The following CHN2 variants were observed in gnomAD, a reference collection of about 807,000 sequenced individuals.
CHN2 encodes the protein chimerin 2, also known as beta-chimaerin.
In CHN2, 35 loss-of-function variants were observed where a neutral mutation model predicts 56.3. The observed-to-expected ratio is 0.62, with a 90% confidence interval of 0.47 to 0.82. The LOEUF (loss-of-function observed/expected upper bound fraction) is 0.82, where lower values mean the gene tolerates loss of function less well. Among genes scored for constraint, CHN2 ranks in the 40% least tolerant of loss-of-function variants. The probability of loss-of-function intolerance (pLI) is 0.00; values close to 1 mark genes in which losing one functional copy is unlikely to be tolerated. For missense variants in CHN2, 491 were observed against 580.5 expected (o/e 0.85, Z 1.58); for synonymous variants, 210 against 212.8 (o/e 0.99, Z 0.12).
At chr7:29,401,422 C>T (rs879443615) in intron 6 of CHN2, 3 of 152,474 alleles carry the variant, frequency 2.0e-5, no homozygotes, top group Non-Finnish European at 4.4e-5. Context: ...AAAAACAAAC[C>T]TCCATTAATG....
rs779311792 is a variant in CHN2, at chr7:29,400,616, T to C, written c.364T>C (p.Ser122Pro). 1 of 1,614,046 alleles carries C rather than the reference T, an allele frequency of 6.2e-7. No individual in the cohort carries two copies. The highest frequency in any genetic ancestry group is 2.2e-5 in the East Asian group (1 of 44,878). Residue 122 changes from serine (S) to proline (P), a missense_variant, in exon 6 of 13, where the codon TCG becomes CCG. Physicochemically the swap from Ser to Pro is moderately conservative, Grantham distance 74. Transcript: ENST00000222792. ...CTTTGTGGGTGAGAAGAGGTTTGAG[T>C]CGATTCATGATCTGGTGACAGATGG... ...KHFVGEKRFE[S>P]IHDLVTDGLI... is the part of the protein sequence containing the mutation.
chr7:29,421,440 C>A (rs1804336089), intron 6 of CHN2, among the ~76,000 whole-genome samples: 1 of 152,134 alleles, frequency 6.6e-6, no homozygotes, highest in South Asian at 2.1e-4. Flanking sequence ...GTTCTGTGCA[C>A]AGAGGAATGT....
intron 2 of CHN2, among the ~76,000 whole-genome samples, chr7:29,165,434 C>A (rs897799040): frequency 6.6e-6 from 1 of 152,060 alleles, no homozygotes; most frequent in African/African-American, 2.4e-5. Context: ...GTGTAGGTTT[C>A]TTAGATTTTT....
chr7:29,249,573 G>A (rs73309959), intron 1 of CHN2, among the ~76,000 whole-genome samples: 30 of 152,286 alleles, frequency 2.0e-4, no homozygotes, highest in African/African-American at 7.2e-4. Flanking sequence ...AACCAGGCAA[G>A]TTGACACCTA....
chr7:29,238,015 C>CTTTTTTTT lies in CHN2; in HGVS notation c.49+43039_49+43046dup, dbSNP rs11405147. On this transcript the variant is annotated intron_variant, in intron 1 of 12. Transcript: ENST00000222792. ...ACACTCATACTTTAATATGTATTCTCTTTTTTTTTTTTTTTTTTTTTAGAA... is the reference window on the plus strand; with the variant it reads ...ACACTCATACTTTAATATGTATTCTCTTTTTTTTTTTTTTTTTTTTTTTTTTTTTAGAA... 1.2e-3 allele frequency among the ~76,000 whole-genome samples: 122 copies of CTTTTTTTT among 105,950 alleles called. 3 individuals carry two copies. Among genetic ancestry groups the CTTTTTTTT allele is most frequent in the Non-Finnish European group, 1.7e-3 (93 of 55,706 alleles). 69.5% of individuals were successfully genotyped at this position (105,950 alleles called of 152,430 possible). A position where few individuals can be genotyped will look rare whatever the true frequency, so the allele number is the denominator to read the frequency against.
At chr7:29,197,693 T>G (rs148662913) in intron 1 of CHN2, among the ~76,000 whole-genome samples, 1 of 152,324 alleles carries the variant, frequency 6.6e-6, no homozygotes, top group African/African-American at 2.4e-5. Flanking sequence ...GTTTTCCAGG[T>G]TTCAGGCATA....
chr7:29,303,872 C>T (rs1793921250), intron 1 of CHN2, among the ~76,000 whole-genome samples: 3 of 152,132 alleles, frequency 2.0e-5, no homozygotes, highest in Admixed American at 1.3e-4. Context: ...CCAGCCTGGC[C>T]AACGTGGTGA....
At chr7:29,341,129 G>C (rs1797025113) in intron 1 of CHN2, among the ~76,000 whole-genome samples, 1 of 152,182 alleles carries the variant, frequency 6.6e-6, no homozygotes, top group South Asian at 2.1e-4. Flanking sequence ...GAAACCCACT[G>C]TCATCTTTCA....
intron 7 of CHN2, among the ~76,000 whole-genome samples, chr7:29,486,275 C>A (rs373226085): frequency 6.6e-6 from 1 of 152,190 alleles, no homozygotes; most frequent in South Asian, 2.1e-4. Flanking sequence ...AGCAGGGGAC[C>A]GTATCTCCCT....
At chr7:29,510,961 T>C (rs552249309) in intron 12 of CHN2, among the ~76,000 whole-genome samples, 22 of 146,752 alleles carry the variant, frequency 1.5e-4, no homozygotes, top group Non-Finnish European at 2.6e-4. Context: ...GTCTCTCTCT[T>C]TCACTGCACA....
chr7:29,449,538 G>A (rs141683970), intron 6 of CHN2, among the ~76,000 whole-genome samples: 1 of 152,350 alleles, frequency 6.6e-6, no homozygotes, highest in East Asian at 1.9e-4. Flanking sequence ...ACAGGACAGA[G>A]ACTATATGGG....
At chr7:29,233,825 ATTTTTTTTTTTT>A (rs1175429614) in intron 1 of CHN2, among the ~76,000 whole-genome samples, 36 of 53,178 alleles carry the variant, frequency 6.8e-4, no homozygotes, top group African/African-American at 2.1e-3. Flanking sequence ...CAACACCTTG[ATTTTTTTTTTTT>A]TTTTTTTTTT....
At chr7:29,399,317 AC>A (rs1166826143) in intron 5 of CHN2, among the ~76,000 whole-genome samples, 5 of 152,292 alleles carry the variant, frequency 3.3e-5, no homozygotes, top group Admixed American at 1.3e-4. Flanking sequence ...TGCAGACCTC[AC>A]AAGACCTGCA....
intron 1 of CHN2, among the ~76,000 whole-genome samples, chr7:29,240,734 G>A (rs1248921534): frequency 1.4e-5 from 2 of 148,120 alleles, no homozygotes; most frequent in East Asian, 3.9e-4. Context: ...GAGTGGGAGG[G>A]CTGTCAAACA....
intron 3 of CHN2, among the ~76,000 whole-genome samples, chr7:29,385,018 G>C (rs1310154291): frequency 6.6e-6 from 1 of 152,134 alleles, no homozygotes. Context: ...GTTTTTTGTA[G>C]TTTAACCTCG....
chr7:29,510,292 C>G (rs1201860776), intron 12 of CHN2, among the ~76,000 whole-genome samples: 1 of 152,076 alleles, frequency 6.6e-6, no homozygotes, highest in Non-Finnish European at 1.5e-5. Flanking sequence ...AGGCTGCAGT[C>G]TTATCTGAAG....
rs1411199984 is a variant in CHN2, at chr7:29,479,867, G to A, written c.577-412G>A. On this transcript the variant is annotated intron_variant, in intron 6 of 12. Transcript: ENST00000222792. ...GGGGTTGCTGTGCACATGAATGTTTGCTATTGTTCCAGGCGCACGTCGGCC... is the reference window on the plus strand; with the variant it reads ...GGGGTTGCTGTGCACATGAATGTTTACTATTGTTCCAGGCGCACGTCGGCC... 2.2e-6 allele frequency: 3 copies of A among 1,372,150 alleles called. No homozygotes were observed. The Admixed American group carries it at 9.1e-5, about 42-fold the overall frequency. The allele number at this position is 1,372,150 out of a possible 1,614,324, so 85.0% of individuals were successfully genotyped here.
At chr7:29,248,501 C>G (rs1788245594) in intron 1 of CHN2, among the ~76,000 whole-genome samples, 1 of 152,196 alleles carries the variant, frequency 6.6e-6, no homozygotes, top group Non-Finnish European at 1.5e-5. Flanking sequence ...CTGATGAATT[C>G]CCTGCCTGGA....
intron 6 of CHN2, among the ~76,000 whole-genome samples, chr7:29,411,101 G>A (rs1243191853): frequency 4.6e-5 from 7 of 152,060 alleles, no homozygotes; most frequent in Non-Finnish European, 7.4e-5. Context: ...TACACACCAA[G>A]TACACAAACC....
Sources: gnomAD v4.1 joint callset for allele counts (sites outside exome capture counted in the v4.1 genomes callset) on GRCh38, gnomAD v4.1.1 for gene constraint, MANE v1.5 for transcripts, NCBI Gene and HGNC (gene_info 2026-07-23, HGNC 2026-07-21) for gene names.